DOCK2: variants seen among roughly 807,000 people sequenced by gnomAD.
The protein encoded by DOCK2 is dedicator of cytokinesis protein 2.
In DOCK2, 87 loss-of-function variants were observed where a neutral mutation model predicts 248.9. That is an observed-to-expected ratio of 0.35 (90% CI 0.29 to 0.42). The LOEUF is 0.42. Ranked by LOEUF, DOCK2 falls within the 10% of genes least tolerant of loss-of-function variation. The probability of loss-of-function intolerance (pLI) is 1.00; values close to 1 mark genes in which losing one functional copy is unlikely to be tolerated. For synonymous variants in DOCK2, 805 were observed against 821.6 expected, an observed-to-expected ratio of 0.98 and a Z score of 0.35; for missense variants, 1,747 against 2,300.2, an observed-to-expected ratio of 0.76 and a Z score of 4.92.
chr5:170,045,737 C>T (rs897862721), intron 38 of DOCK2, 79 bp from the exon 39 acceptor site: 174 of 1,366,808 alleles, frequency 1.3e-4, no homozygotes, highest in Non-Finnish European at 1.5e-4. Context: ...AGCACAGCTA[C>T]GCCTGAGTCC....
chr5:170,012,723 T>C (rs1025823906), intron 32 of DOCK2, among the ~76,000 whole-genome samples: 10 of 152,220 alleles, frequency 6.6e-5, no homozygotes, highest in African/African-American at 2.2e-4. Context: ...TTCCCAGTAG[T>C]ATAGCATCGT....
intron 27 of DOCK2, among the ~76,000 whole-genome samples, chr5:169,933,026 C>T (rs917110401): frequency 4.3e-4 from 65 of 152,174 alleles, no homozygotes; most frequent in African/African-American, 1.5e-3. Context: ...ATGGTTTCTC[C>T]GGCAGGTATT....
At chr5:170,042,468 A>G (rs1250249690) in intron 38 of DOCK2, among the ~76,000 whole-genome samples, 1 of 152,166 alleles carries the variant, frequency 6.6e-6, no homozygotes, top group Non-Finnish European at 1.5e-5. Flanking sequence ...GGCTCTCCCA[A>G]TCTACTTAAA....
intron 22 of DOCK2, 87 bp downstream of exon 22, chr5:169,718,878 TA>T: frequency 6.8e-7 from 1 of 1,480,536 alleles, no homozygotes; most frequent in Non-Finnish European, 9.1e-7. Flanking sequence ...GAAACTCGTT[TA>T]AAAAATTATA....
At position 169,980,550 on chromosome 5, in the gene DOCK2, A is replaced by G. The variant is rs530376887; in HGVS notation, c.2800-2518A>G. 3 of 152,214 alleles carry G rather than the reference A, an allele frequency of 2.0e-5. No homozygotes were observed. The South Asian group carries it at 6.2e-4, about 32-fold the overall frequency. The allele number at this position is 152,214 out of a possible 1,614,324, so 9.4% of individuals were successfully genotyped here. A position where few individuals can be genotyped will look rare whatever the true frequency, so the allele number is the denominator to read the frequency against. The stretch of plus-strand genomic sequence containing the variant: ...GGAAGGGAGAGGAGAGATGGAGCAG[A>G]GGAAACACACGCTCCTGTGTGTGTA... On this transcript the variant is annotated intron_variant, in intron 27 of 51. Transcript: ENST00000520908.
At chr5:169,785,018 CCTT>C (rs1684147706) in intron 25 of DOCK2, among the ~76,000 whole-genome samples, 2 of 152,172 alleles carry the variant, frequency 1.3e-5, no homozygotes. Context: ...ATCCCAGTTT[CCTT>C]CTTATTCATG....
intron 2 of DOCK2, among the ~76,000 whole-genome samples, chr5:169,657,319 A>G (rs932897573): frequency 6.6e-6 from 1 of 152,198 alleles, no homozygotes; most frequent in Non-Finnish European, 1.5e-5. Context: ...CTCTAAAAAT[A>G]TAAAAGGTGT....
At chr5:169,852,322 G>C (rs995374259) in intron 27 of DOCK2, among the ~76,000 whole-genome samples, 4 of 152,210 alleles carry the variant, frequency 2.6e-5, no homozygotes, top group African/African-American at 9.7e-5. Context: ...CAGTGGAAGA[G>C]GGGCCAGCTT....
intron 48 of DOCK2, among the ~76,000 whole-genome samples, chr5:170,078,659 C>G (rs139154547): frequency 1.4e-3 from 215 of 152,324 alleles, no homozygotes; most frequent in African/African-American, 5.0e-3. Context: ...AAGAACTGGC[C>G]GTGCCTGGAT....
intron 27 of DOCK2, among the ~76,000 whole-genome samples, chr5:169,859,683 C>G (rs768473803): frequency 6.6e-6 from 1 of 152,232 alleles, no homozygotes; most frequent in Non-Finnish European, 1.5e-5. Flanking sequence ...CTCACACATT[C>G]CACCCACCAA....
intron 39 of DOCK2, 124 bp from the exon 40 acceptor site, chr5:170,047,386 G>C (rs556712547): frequency 2.8e-6 from 2 of 726,974 alleles, no homozygotes; most frequent in African/African-American, 3.5e-5. Context: ...GCACAGATAT[G>C]TAAATATGTG....
chr5:169,696,628 G>T (rs558848431), intron 10 of DOCK2, among the ~76,000 whole-genome samples: 1 of 152,174 alleles, frequency 6.6e-6, no homozygotes, highest in African/African-American at 2.4e-5. Context: ...TGATATGCCA[G>T]TTTTCTTTTT....
chr5:169,764,769 G>T lies in DOCK2; in HGVS notation c.2554+3144G>T, dbSNP rs1238494380. 6.6e-6 allele frequency among the ~76,000 whole-genome samples: 1 copy of T among 151,996 alleles called. No homozygotes were observed. Among genetic ancestry groups the T allele is most frequent in the African/African-American group, 2.4e-5 (1 of 41,366 alleles). On this transcript the variant is annotated intron_variant, in intron 25 of 51. Coordinates refer to ENST00000520908, the MANE Select transcript of DOCK2 (RefSeq NM_004946.3). This position sits in a 1 kb window ranked among gnomAD's most constrained non-coding sequence, Gnocchi z 4.3. ...CCCTCAACTACATGGTTTTCCTCAG[G>T]GTCCGAGAGACACAGGACCTAATGA...
At chr5:169,999,360 C>T (rs940966250) in intron 30 of DOCK2, among the ~76,000 whole-genome samples, 7 of 152,230 alleles carry the variant, frequency 4.6e-5, no homozygotes, top group South Asian at 2.1e-4. Context: ...AGTGAATTCA[C>T]GTAAAGCATT....
intron 27 of DOCK2, among the ~76,000 whole-genome samples, chr5:169,873,197 C>T (rs956884503): frequency 6.6e-6 from 1 of 152,078 alleles, no homozygotes; most frequent in Non-Finnish European, 1.5e-5. Flanking sequence ...TACTTCTTTT[C>T]CTTTACACTC....
chr5:170,061,896 C>A (rs1757339781), intron 44 of DOCK2, among the ~76,000 whole-genome samples: 1 of 152,168 alleles, frequency 6.6e-6, no homozygotes, highest in African/African-American at 2.4e-5. Flanking sequence ...CCTCAGAGCC[C>A]CCCCAGAGTT....
chr5:169,719,906 A>C (rs1762101170), intron 22 of DOCK2, among the ~76,000 whole-genome samples: 1 of 151,938 alleles, frequency 6.6e-6, no homozygotes, highest in Non-Finnish European at 1.5e-5. Flanking sequence ...GCAACAAAGC[A>C]AGACTCTGAC....
At position 170,083,061 on chromosome 5, in the gene DOCK2, G is replaced by A. The variant is rs1561913941; in HGVS notation, c.*203G>A. On this transcript the variant is annotated 3_prime_UTR_variant, in exon 52 of 52. Coordinates refer to ENST00000520908, the MANE Select transcript of DOCK2 (RefSeq NM_004946.3). ...ATCCCCTGGGGCTGTGATCATGGTG[G>A]ATGAGGAAGCCTCAACGTAGATTCC... The A allele has an allele frequency of 1.6e-6, 1 of 608,628 alleles. No homozygotes were observed. The allele number at this position is 608,628 out of a possible 1,614,324, so 37.7% of individuals were successfully genotyped here.
chr5:170,057,777 T>G (rs1561901882), intron 44 of DOCK2, 111 bp downstream of exon 44: 2 of 956,874 alleles, frequency 2.1e-6, no homozygotes, highest in Non-Finnish European at 3.0e-6. Context: ...TCTTTGAAGC[T>G]GCTGTGTGAG....
Sources: allele counts gnomAD v4.1 joint callset (sites outside exome capture counted in the v4.1 genomes callset), GRCh38; gene constraint gnomAD v4.1.1; non-coding constraint Gnocchi (gnomAD v3.1); transcripts MANE v1.5; gene names NCBI Gene and HGNC (gene_info 2026-07-23, HGNC 2026-07-21).